The following SCOC variants were observed in gnomAD, a reference collection of about 807,000 sequenced individuals.
SCOC encodes short coiled coil protein.
SCOC carries 7 observed loss-of-function variants against 9.9 expected under a neutral mutation model. The observed-to-expected ratio is 0.71, with a 90% CI of 0.40 to 1.33. The LOEUF (loss-of-function observed/expected upper bound fraction) is 1.33, where lower values mean the gene tolerates loss of function less well. Among genes scored for constraint, SCOC ranks in the 40% most tolerant of loss-of-function variants. SCOC has a pLI of 0.01. For missense variants in SCOC, 66 were observed against 89.7 expected (o/e 0.74, Z 1.07); for synonymous variants, 19 against 28.2 (o/e 0.67, Z 1.03).
chr4:140,377,872 T>G (rs753098358), intron 1 of SCOC, among the ~76,000 whole-genome samples: 5 of 152,214 alleles, frequency 3.3e-5, no homozygotes, highest in Non-Finnish European at 7.4e-5. Flanking sequence ...GCCTTGGGCA[T>G]AGAAGATATT....
intron 1 of SCOC, among the ~76,000 whole-genome samples, chr4:140,330,359 A>T (rs1732781306): frequency 6.6e-6 from 1 of 152,172 alleles, no homozygotes; most frequent in Non-Finnish European, 1.5e-5. Flanking sequence ...AATCTCAGAA[A>T]TCACCACTAA....
At chr4:140,367,177 C>G (rs141837951) in intron 2 of SCOC, among the ~76,000 whole-genome samples, 5 of 151,784 alleles carry the variant, frequency 3.3e-5, no homozygotes, top group Admixed American at 3.3e-4. Context: ...TGCACTCCAG[C>G]CTGGGCAACA....
At chr4:140,333,770 G>A (rs978981582) in intron 1 of SCOC, among the ~76,000 whole-genome samples, 1 of 152,176 alleles carries the variant, frequency 6.6e-6, no homozygotes, top group African/African-American at 2.4e-5. Flanking sequence ...CTGACATCTT[G>A]TTGCTGGAGT....
chr4:140,373,634 G>T, upstream of SCOC: 1 of 1,551,622 alleles, frequency 6.4e-7, no homozygotes, highest in Non-Finnish European at 8.7e-7. Flanking sequence ...CGGAGTGGGC[G>T]GAGCTGCCGG....
chr4:140,284,312 T>C (rs141319352), intron 1 of SCOC: 1 of 152,100 alleles, frequency 6.6e-6, no homozygotes, highest in East Asian at 1.9e-4. Flanking sequence ...CTTGCATTCA[T>C]AGGAAGGGCA....
rs1443669380 is a variant in SCOC at position 140,379,139 on chromosome 4, T to G, written c.-32T>G. On this transcript the variant is annotated 5_prime_UTR_variant, in exon 2 of 4. Transcript: ENST00000608372. ...ATTGTAGACCATTCCTCAAGAATTT[T>G]GTATCCAAGGCCCAAAAGTTTGTTA... 6.2e-7 allele frequency: 1 copy of G among 1,604,360 alleles called. No individual in the cohort carries two copies. The highest frequency in any genetic ancestry group is 8.5e-7 in the Non-Finnish European group (1 of 1,171,446).
In SCOC at chr4:140,263,832, G is replaced by A. The variant is rs947423319; in HGVS notation, c.-19+6422G>A. The stretch of plus-strand genomic sequence containing the variant: ...ACACTTTCAGGAGCCTGTGGAAACC[G>A]TGTTGCTGGATTTTCATGCTTAGAA... On this transcript the variant is annotated intron_variant, in intron 1 of 4. Transcript: ENST00000394205. 2.6e-5 allele frequency among the ~76,000 whole-genome samples: 4 copies of A among 152,296 alleles called. No individual in the cohort carries two copies. In the South Asian group the frequency reaches 8.3e-4, roughly 32 times the overall value.
chr4:140,300,374 G>A (rs939527474), intron 1 of SCOC, among the ~76,000 whole-genome samples: 6 of 152,146 alleles, frequency 3.9e-5, no homozygotes, highest in Admixed American at 6.5e-5. Flanking sequence ...GCACACTCAC[G>A]GGCAGCCTTA....
intron 1 of SCOC, among the ~76,000 whole-genome samples, chr4:140,264,477 C>T (rs777903384): frequency 6.6e-6 from 1 of 152,146 alleles, no homozygotes; most frequent in Non-Finnish European, 1.5e-5. Flanking sequence ...GATCTTAGTT[C>T]CTAGCACTCT....
chr4:140,260,055 A>G (rs1214755730), intron 1 of SCOC, among the ~76,000 whole-genome samples: 1 of 152,194 alleles, frequency 6.6e-6, no homozygotes, highest in Non-Finnish European at 1.5e-5. Context: ...ACCCTGAGAC[A>G]TTATTTTTAT....
chr4:140,369,398 T>A (rs1203666045), upstream of SCOC: 3 of 308,438 alleles, frequency 9.7e-6, no homozygotes, highest in African/African-American at 6.7e-5. Flanking sequence ...AGTTCTTATT[T>A]AGGAATGAGA....
chr4:140,276,621 A>G (rs1016203970), intron 1 of SCOC, among the ~76,000 whole-genome samples: 2 of 151,594 alleles, frequency 1.3e-5, no homozygotes, highest in East Asian at 2.0e-4. Context: ...ACACCCAGCT[A>G]ATTTTTTGCA....
intron 1 of SCOC, among the ~76,000 whole-genome samples, chr4:140,338,110 G>A (rs1560707595): frequency 6.6e-6 from 1 of 152,058 alleles, no homozygotes; most frequent in Non-Finnish European, 1.5e-5. Context: ...ATGATCAAGT[G>A]GGCTTCATCC....
At chr4:140,373,636 A>C (rs1178379331), upstream of SCOC, 2 of 1,551,546 alleles carry the variant, frequency 1.3e-6, no homozygotes, top group Non-Finnish European at 8.7e-7. Flanking sequence ...GAGTGGGCGG[A>C]GCTGCCGGGG....
chr4:140,343,424 T>C, upstream of SCOC: 1 of 477,154 alleles, frequency 2.1e-6, no homozygotes, highest in Non-Finnish European at 3.8e-6. Flanking sequence ...TTGTAAGTCA[T>C]TAACTTGGGT....
intron 1 of SCOC, among the ~76,000 whole-genome samples, chr4:140,313,688 C>T (rs1391921370): frequency 1.3e-5 from 2 of 152,014 alleles, no homozygotes; most frequent in Non-Finnish European, 2.9e-5. Context: ...AGCTAGTATC[C>T]CGGTGGAGGC....
At chr4:140,360,509 A>G (rs1486607608) in intron 2 of SCOC, among the ~76,000 whole-genome samples, 1 of 152,206 alleles carries the variant, frequency 6.6e-6, no homozygotes, top group East Asian at 1.9e-4. Context: ...AAGGAAAATG[A>G]CTTTCTAGGA....
chr4:140,379,030 T>C, intron 1 of SCOC, 91 bp from the exon 2 acceptor site: 1 of 795,048 alleles, frequency 1.3e-6, no homozygotes, highest in Non-Finnish European at 2.2e-6. Flanking sequence ...AGTCCTACTA[T>C]GTCATAGTTA....
intron 2 of SCOC, among the ~76,000 whole-genome samples, chr4:140,365,435 T>A (rs927126368): frequency 6.6e-6 from 1 of 152,230 alleles, no homozygotes; most frequent in Non-Finnish European, 1.5e-5. Context: ...ATGGCTTCTA[T>A]GATACAGGCA....
Sources: allele counts gnomAD v4.1 joint callset (sites outside exome capture counted in the v4.1 genomes callset), GRCh38; gene constraint gnomAD v4.1.1; transcripts MANE v1.5; gene names NCBI Gene and HGNC (gene_info 2026-07-23, HGNC 2026-07-21).